NAALADL2: variants seen among roughly 807,000 people sequenced by gnomAD.
NAALADL2 encodes the protein N-acetylated alpha-linked acidic dipeptidase like 2, also known as inactive N-acetylated-alpha-linked acidic dipeptidase-like protein 2.
Under a neutral mutation model 87.2 loss-of-function variants are expected in NAALADL2, and 76 were observed. The ratio of observed to expected loss-of-function variants is 0.87; its 90% CI spans 0.72 to 1.05. NAALADL2 has a LOEUF of 1.05. Ranked by LOEUF, NAALADL2 falls within the 50% of genes least tolerant of loss-of-function variation. The pLI is 0.00. For missense variants in NAALADL2, 1,089 were observed against 945.8 expected (o/e 1.15, Z -1.99); for synonymous variants, 354 against 331.0 (o/e 1.07, Z -0.75).
intron 11 of NAALADL2, chr3:175,718,156 C>G (rs888672598): frequency 1.7e-6 from 2 of 1,150,856 alleles, no homozygotes; most frequent in African/African-American, 3.2e-5. Context: ...AAAATGAAGA[C>G]TGATTAAATC....
chr3:174,920,712 T>TG (rs1221203229), intron 1 of NAALADL2, among the ~76,000 whole-genome samples: 2 of 152,220 alleles, frequency 1.3e-5, no homozygotes, highest in African/African-American at 2.4e-5. Flanking sequence ...CTTAGCTAAC[T>TG]GGTGCAAGAG....
At chr3:175,476,833 C>A in intron 9 of NAALADL2, among the ~76,000 whole-genome samples, 1 of 152,024 alleles carries the variant, frequency 6.6e-6, no homozygotes, top group East Asian at 1.9e-4. Context: ...GCTTGAGTGA[C>A]TGGAGCCCTG....
intron 1 of NAALADL2, among the ~76,000 whole-genome samples, chr3:175,017,501 CCTT>C (rs1160437994): frequency 2.6e-5 from 4 of 152,006 alleles, no homozygotes; most frequent in Non-Finnish European, 5.9e-5. Context: ...TACAAGGAAT[CCTT>C]CTTCCTGGAA....
chr3:175,055,751 A>G (rs1021691738), intron 1 of NAALADL2, among the ~76,000 whole-genome samples: 1 of 152,048 alleles, frequency 6.6e-6, no homozygotes, highest in Admixed American at 6.6e-5. Context: ...GAGTTTTTCT[A>G]CATTCTTTTT....
At chr3:174,829,736 T>C (rs1166393724) in intron 3 of NAALADL2, among the ~76,000 whole-genome samples, 37 of 143,808 alleles carry the variant, frequency 2.6e-4, no homozygotes, top group Non-Finnish European at 3.1e-4. Flanking sequence ...CCACCAACAG[T>C]GTAGAAGTGT....
intron 5 of NAALADL2, among the ~76,000 whole-genome samples, chr3:175,325,390 C>T (rs1030692975): frequency 6.6e-6 from 1 of 152,168 alleles, no homozygotes; most frequent in African/African-American, 2.4e-5. Flanking sequence ...TGGGATCTCA[C>T]AGATCTGTAC....
At chr3:175,535,316 C>T (rs1734665711) in intron 9 of NAALADL2, among the ~76,000 whole-genome samples, 1 of 152,198 alleles carries the variant, frequency 6.6e-6, no homozygotes, top group Non-Finnish European at 1.5e-5. Flanking sequence ...GATAGGCTAA[C>T]ATCCCAGAAC....
At chr3:174,764,144 A>T (rs1186176864) in intron 3 of NAALADL2, among the ~76,000 whole-genome samples, 3 of 148,926 alleles carry the variant, frequency 2.0e-5, no homozygotes, top group Non-Finnish European at 4.5e-5. Flanking sequence ...ACTATTTTTT[A>T]AACCAAAATT....
In NAALADL2 at chr3:175,256,463, G is replaced by A. The variant is rs1749959743; in HGVS notation, c.872G>A (p.Arg291Lys). 2 of 1,611,010 alleles carry A rather than the reference G, an allele frequency of 1.2e-6. No individual in the cohort carries two copies. Among genetic ancestry groups the A allele is most frequent in the East Asian group, 2.2e-5 (1 of 44,592 alleles). Residue 291 changes from arginine to lysine, a missense_variant, in exon 4 of 14, where the codon AGG (arginine) becomes AAG (lysine). Transcript: ENST00000454872. ...ATGGCAGATGATTTAAAAAGGATTA[G>A]GAAAATAAAAAACGTAACAAATCAG... is the stretch of plus-strand genomic sequence containing the variant. ...YGMADDLKRI[R>K]KIKNVTNQIA...
At chr3:175,056,085 C>T (rs560813760) in intron 1 of NAALADL2, among the ~76,000 whole-genome samples, 3 of 151,954 alleles carry the variant, frequency 2.0e-5, no homozygotes, top group Non-Finnish European at 4.4e-5. Context: ...AGGTGCTGCT[C>T]GAATAGTCAC....
chr3:175,204,744 A>G (rs1250603464), intron 2 of NAALADL2, among the ~76,000 whole-genome samples: 2 of 152,114 alleles, frequency 1.3e-5, no homozygotes, highest in Non-Finnish European at 2.9e-5. Flanking sequence ...AATTCAGCAA[A>G]TTTTCCAAAT....
intron 1 of NAALADL2, among the ~76,000 whole-genome samples, chr3:174,876,431 T>C (rs1240137291): frequency 6.6e-6 from 1 of 152,226 alleles, no homozygotes. Context: ...ATAATACTTC[T>C]GCATAAAATG....
At chr3:175,426,305 G>T (rs1716775621) in intron 5 of NAALADL2, among the ~76,000 whole-genome samples, 1 of 152,202 alleles carries the variant, frequency 6.6e-6, no homozygotes, top group South Asian at 2.1e-4. Flanking sequence ...GGAGTTTGCA[G>T]TGAGCCACAA....
At chr3:175,672,863 G>GT (rs1734193160) in intron 11 of NAALADL2, among the ~76,000 whole-genome samples, 1 of 152,094 alleles carries the variant, frequency 6.6e-6, no homozygotes, top group Admixed American at 6.5e-5. Context: ...ACAATTTTGT[G>GT]TAATTTATAA....
intron 9 of NAALADL2, among the ~76,000 whole-genome samples, chr3:175,514,304 A>C (rs1731556283): frequency 6.6e-6 from 1 of 152,220 alleles, no homozygotes; most frequent in Non-Finnish European, 1.5e-5. Flanking sequence ...GAATATTATC[A>C]CTAATGTTGG....
intron 9 of NAALADL2, among the ~76,000 whole-genome samples, chr3:175,494,966 G>A (rs1355042943): frequency 6.6e-6 from 1 of 150,740 alleles, no homozygotes; most frequent in African/African-American, 2.4e-5. Flanking sequence ...ATATTCTATT[G>A]TCCTGCTTCA....
chr3:175,259,506 A>G (rs1266660432), intron 4 of NAALADL2, among the ~76,000 whole-genome samples: 1 of 152,186 alleles, frequency 6.6e-6, no homozygotes, highest in Non-Finnish European at 1.5e-5. Context: ...ATACTTTTAA[A>G]AGAGTAATGG....
chr3:174,845,109 G>A (rs910667827), intron 3 of NAALADL2, among the ~76,000 whole-genome samples: 1 of 152,138 alleles, frequency 6.6e-6, no homozygotes, highest in African/African-American at 2.4e-5. Flanking sequence ...GAAGAGAGAA[G>A]ATACAATATG....
intron 10 of NAALADL2, among the ~76,000 whole-genome samples, chr3:175,596,976 G>GT (rs1034642720): frequency 4.0e-5 from 6 of 151,886 alleles, no homozygotes; most frequent in Non-Finnish European, 8.8e-5. Flanking sequence ...ATGGAAAGAG[G>GT]TTTTTAAAAG....
Sources: allele counts gnomAD v4.1 joint callset (sites outside exome capture counted in the v4.1 genomes callset), GRCh38; gene constraint gnomAD v4.1.1; transcripts MANE v1.5; gene names NCBI Gene and HGNC (gene_info 2026-07-23, HGNC 2026-07-21).